PTPRG: variants seen among roughly 807,000 people sequenced by gnomAD.
The protein encoded by PTPRG is receptor-type tyrosine-protein phosphatase gamma.
PTPRG carries 102 observed loss-of-function variants against 165.3 expected under a neutral mutation model. The observed-to-expected ratio is 0.62, with a 90% CI of 0.53 to 0.73. PTPRG has a LOEUF of 0.73. PTPRG is among the 30% of genes least tolerant of loss of function. PTPRG has a pLI of 0.00. For missense variants in PTPRG, 1,866 were observed against 1,861.4 expected, an observed-to-expected ratio of 1.00 and a Z score of -0.05; for synonymous variants, 675 against 669.5, an observed-to-expected ratio of 1.01 and a Z score of -0.13.
intron 4 of PTPRG, among the ~76,000 whole-genome samples, chr3:62,009,677 G>C (rs1209110962): frequency 2.0e-5 from 3 of 152,040 alleles, no homozygotes; most frequent in African/African-American, 7.2e-5. Context: ...CTTGTCTCTG[G>C]TAAGCACGTC....
At chr3:62,102,383 T>A (rs1217920656) in intron 5 of PTPRG, among the ~76,000 whole-genome samples, 1 of 152,160 alleles carries the variant, frequency 6.6e-6, no homozygotes, top group Non-Finnish European at 1.5e-5. Flanking sequence ...CAAGCAGTTC[T>A]TCTGCCTCAG....
intron 3 of PTPRG, 109 bp from the exon 4 acceptor site, chr3:62,003,240 G>T: frequency 7.9e-7 from 1 of 1,269,360 alleles, no homozygotes; most frequent in South Asian, 1.4e-5. Context: ...GGTACATGAG[G>T]ACATAATTCA....
intron 1 of PTPRG, among the ~76,000 whole-genome samples, chr3:61,634,236 C>CA (rs1360673658): frequency 2.6e-5 from 4 of 151,628 alleles, no homozygotes; most frequent in African/African-American, 9.7e-5. Flanking sequence ...AGGTGTGAGC[C>CA]ACCAAACTGC....
At chr3:61,941,426 C>T (rs1214652897) in intron 2 of PTPRG, among the ~76,000 whole-genome samples, 2 of 152,060 alleles carry the variant, frequency 1.3e-5, no homozygotes, top group South Asian at 2.1e-4. Context: ...AGATCGAGAC[C>T]GTCCTGGCCA....
At chr3:61,926,433 C>T (rs1302420192) in intron 2 of PTPRG, among the ~76,000 whole-genome samples, 1 of 152,062 alleles carries the variant, frequency 6.6e-6, no homozygotes, top group African/African-American at 2.4e-5. Context: ...CTCTCCTTCA[C>T]CTTCCTCCAT....
intron 2 of PTPRG, among the ~76,000 whole-genome samples, chr3:61,902,217 G>A (rs1313716827): frequency 6.6e-6 from 1 of 152,200 alleles, no homozygotes; most frequent in Non-Finnish European, 1.5e-5. Flanking sequence ...AACTGAAAGG[G>A]TTGGGCATGA....
At chr3:62,129,456 G>T (rs1703435104) in intron 5 of PTPRG, among the ~76,000 whole-genome samples, 1 of 151,828 alleles carries the variant, frequency 6.6e-6, no homozygotes, top group African/African-American at 2.4e-5. Context: ...GGTTCTGGAG[G>T]CTGAGAAGTC....
chr3:62,277,697 G>A lies in PTPRG; in HGVS notation c.3765+18G>A, dbSNP rs1665949585. 1.2e-6 allele frequency: 2 copies of A among 1,610,858 alleles called. No individual in the cohort carries two copies. The highest frequency in any genetic ancestry group is 1.7e-5 in the Admixed American group (1 of 59,886). On this transcript the variant is annotated intron_variant, in intron 26 of 29. Coordinates refer to ENST00000474889, the MANE Select transcript of PTPRG (RefSeq NM_002841.4). ...AGAGCTTGGTAAGTAAAGCACATCT[G>A]CTATATATTAATGAGCCCATGAGGC...
At chr3:62,267,935 G>A (rs1701937353) in intron 19 of PTPRG, 116 bp downstream of exon 19, 4 of 1,201,674 alleles carry the variant, frequency 3.3e-6, no homozygotes, top group African/African-American at 3.1e-5. Flanking sequence ...GAAATGAAAA[G>A]TGTTCTCTCT....
intron 4 of PTPRG, among the ~76,000 whole-genome samples, chr3:62,028,881 A>T (rs916213535): frequency 1.3e-5 from 2 of 152,140 alleles, no homozygotes; most frequent in East Asian, 3.9e-4. Context: ...CTGGTTCCTA[A>T]TGCTTTTTTG....
At chr3:61,743,126 A>T in intron 1 of PTPRG, 1 of 1,280,748 alleles carries the variant, frequency 7.8e-7, no homozygotes, top group African/African-American at 1.5e-5. Flanking sequence ...CGCCGCGCTA[A>T]CCGGAAAAGA....
intron 8 of PTPRG, among the ~76,000 whole-genome samples, chr3:62,172,534 A>T (rs1705254547): frequency 1.3e-5 from 2 of 152,134 alleles, no homozygotes; most frequent in Admixed American, 6.5e-5. Flanking sequence ...TGCACATGTC[A>T]TGGAACCACA....
At chr3:61,850,983 T>TAG (rs2036947538) in intron 2 of PTPRG, among the ~76,000 whole-genome samples, 1 of 152,178 alleles carries the variant, frequency 6.6e-6, no homozygotes, top group African/African-American at 2.4e-5. Context: ...GCACTGTCCA[T>TAG]AGGTGTCAGG....
intron 1 of PTPRG, among the ~76,000 whole-genome samples, chr3:61,610,807 C>G (rs1196796500): frequency 8.5e-6 from 1 of 117,038 alleles, no homozygotes; most frequent in East Asian, 3.0e-4. Context: ...CTCTCTTTCT[C>G]TATCTCTCTC....
rs1022263304 is a variant in PTPRG, at chr3:61,685,301, A to G, written c.86-63577A>G. On this transcript the variant is annotated intron_variant, in intron 1 of 29. Coordinates refer to ENST00000474889, the MANE Select transcript of PTPRG (RefSeq NM_002841.4). ...ATCAAATGCCTTATCGTGGAGGGCAAGTTAGTTTGGTTAGAAAGGAAGTCT... is the reference window on the plus strand; with the variant it reads ...ATCAAATGCCTTATCGTGGAGGGCAGGTTAGTTTGGTTAGAAAGGAAGTCT... 7.9e-5 allele frequency among the ~76,000 whole-genome samples: 12 copies of G among 152,302 alleles called. No individual in the cohort carries two copies. The South Asian group carries it at 1.5e-3, about 18-fold the overall frequency.
At chr3:61,626,251 T>C (rs1345152306) in intron 1 of PTPRG, among the ~76,000 whole-genome samples, 1 of 152,198 alleles carries the variant, frequency 6.6e-6, no homozygotes, top group African/African-American at 2.4e-5. Context: ...AGTCTCTAAT[T>C]GTCCATCCTG....
chr3:61,638,591 G>GTTTTTTTTTTTTTTTTTTTTTTTTTTTTT (rs34396141), intron 1 of PTPRG, among the ~76,000 whole-genome samples: 1 of 58,704 alleles, frequency 1.7e-5, no homozygotes, highest in African/African-American at 6.5e-5. Context: ...TGCCTGGCTA[G>GTTTTTTTTTTTTTTTTTTTTTTTTTTTTT]TTTTTTTTTT....
At chr3:61,768,915 T>C (rs532612948) in intron 2 of PTPRG, among the ~76,000 whole-genome samples, 1 of 152,172 alleles carries the variant, frequency 6.6e-6, no homozygotes, top group East Asian at 1.9e-4. Flanking sequence ...CACAGGGAAA[T>C]TTCAGTCTGA....
At chr3:61,906,734 T>TA (rs1331737590) in intron 2 of PTPRG, among the ~76,000 whole-genome samples, 1 of 152,152 alleles carries the variant, frequency 6.6e-6, no homozygotes, top group Non-Finnish European at 1.5e-5. Flanking sequence ...GTGTTGTAAT[T>TA]ACACCACTGT....
Sources: gnomAD v4.1 joint callset for allele counts (sites outside exome capture counted in the v4.1 genomes callset) on GRCh38, gnomAD v4.1.1 for gene constraint, MANE v1.5 for transcripts, NCBI Gene and HGNC (gene_info 2026-07-23, HGNC 2026-07-21) for gene names.